Variants in SLC5A9 observed in about 807,000 individuals in gnomAD.
SLC5A9 encodes solute carrier family 5 member 9.
A neutral mutation model predicts 70.9 loss-of-function variants in SLC5A9; 59 were observed. That is an observed-to-expected ratio of 0.83 (90% confidence interval 0.68 to 1.03). The LOEUF is 1.03. Among genes scored for constraint, SLC5A9 ranks in the 50% least tolerant of loss-of-function variants. The probability of loss-of-function intolerance (pLI) is 0.00; values close to 1 mark genes in which losing one functional copy is unlikely to be tolerated. For synonymous variants in SLC5A9, 340 were observed against 346.5 expected (o/e 0.98, Z 0.21); for missense variants, 832 against 881.1 (o/e 0.94, Z 0.71).
intron 2 of SLC5A9, among the ~76,000 whole-genome samples, chr1:48,227,504 AGTGT>A (rs1208957520): frequency 3.8e-5 from 3 of 79,964 alleles, no homozygotes; most frequent in Non-Finnish European, 7.3e-5. Flanking sequence ...TGTGTGTCAG[AGTGT>A]GTGTAATTGC....
intron 4 of SLC5A9, among the ~76,000 whole-genome samples, chr1:48,230,398 A>C (rs1490445794): frequency 2.0e-5 from 3 of 152,180 alleles, no homozygotes; most frequent in Non-Finnish European, 4.4e-5. Context: ...TTTATACAGT[A>C]CTTCTCTGCT....
chr1:48,234,129 G>C (rs967258787), intron 9 of SLC5A9, among the ~76,000 whole-genome samples: 2 of 152,220 alleles, frequency 1.3e-5, no homozygotes, highest in African/African-American at 4.8e-5. Flanking sequence ...GTCTCCCAGA[G>C]GGAAGGAAAT....
In SLC5A9 at chr1:48,238,018, C is replaced by A. The variant is rs1297163843; in HGVS notation, c.1461+171C>A. On this transcript the variant is annotated intron_variant, in intron 11 of 13. Coordinates refer to ENST00000438567, the MANE Select transcript of SLC5A9 (RefSeq NM_001011547.3). The stretch of plus-strand genomic sequence containing the variant: ...CATTCACTCAACAAACATTTATCAG[C>A]CTTATAATGGCAGCTCCAGGGATGC... Among the ~76,000 whole-genome samples the A allele has an allele frequency of 2.0e-5, 3 of 152,178 alleles. No homozygotes were observed. The East Asian group carries it at 5.8e-4, about 29-fold the overall frequency.
In SLC5A9 at chr1:48,237,984, A is replaced by T. The variant is rs535042322; in HGVS notation, c.1461+137A>T. 141 of 854,172 alleles carry T rather than the reference A, an allele frequency of 1.7e-4. No homozygotes were observed. In the East Asian group the frequency reaches 3.5e-3, roughly 21 times the overall value. The allele number at this position is 854,172 out of a possible 1,614,324, so 52.9% of individuals were successfully genotyped here. ...TTTTCCTGACCACAGCATCCAGCCTAGATTCATTCATTCACTCAACAAACA... is the reference window on the plus strand; with the variant it reads ...TTTTCCTGACCACAGCATCCAGCCTTGATTCATTCATTCACTCAACAAACA... On this transcript the variant is annotated intron_variant, in intron 11 of 13. Coordinates refer to ENST00000438567, the MANE Select transcript of SLC5A9 (RefSeq NM_001011547.3).
At position 48,228,978 on chromosome 1, in the gene SLC5A9, C is replaced by G. The variant is rs550328576; in HGVS notation, c.339+24C>G. ...ACGTAAGGAAGCTGGCCTGGTTTCT[C>G]CAGAATACTGAGGGTCTAACCCACC... is the stretch of plus-strand genomic sequence containing the variant. On this transcript the variant is annotated intron_variant, in intron 3 of 13. Coordinates refer to ENST00000438567, the MANE Select transcript of SLC5A9 (RefSeq NM_001011547.3). The G allele has an allele frequency of 2.5e-6, 4 of 1,613,142 alleles. No individual in the cohort carries two copies. In the Admixed American group the frequency reaches 5.0e-5, roughly 20 times the overall value.
rs201842032 is a variant in SLC5A9 at position 48,239,368 on chromosome 1, G to A, written c.1508G>A (p.Arg503His). 3.2e-5 allele frequency: 51 copies of A among 1,614,084 alleles called. No individual in the cohort carries two copies. The highest frequency in any genetic ancestry group is 3.6e-5 in the Non-Finnish European group (43 of 1,179,966). Residue 503 changes from arginine (R) to histidine (H), a missense_variant, in exon 12 of 14, where the codon CGT (arginine) becomes CAT (histidine). By Grantham distance (29) the Arg-to-His change is conservative. Transcript: ENST00000438567. The surrounding 1 kb of genome is among the most constrained non-coding windows in gnomAD (Gnocchi z 4.2). ...LVFGLGVGLLRMILEFSYPAP... is the reference protein window; with the variant it reads ...LVFGLGVGLLHMILEFSYPAP... ...TTTGGCCTGGGAGTGGGGCTTCTGC[G>A]TATGATCCTGGAGTTCTCATACCCA...
At chr1:48,244,840 T>C (rs1644436839) in intron 13 of SLC5A9, among the ~76,000 whole-genome samples, 2 of 111,262 alleles carry the variant, frequency 1.8e-5, no homozygotes, top group African/African-American at 6.7e-5. Context: ...ATATAAATTA[T>C]ATATATAAAA....
At position 48,237,732 on chromosome 1, in the gene SLC5A9, A is replaced by G; in HGVS notation, c.1346A>G (p.Gln449Arg). 6.2e-7 allele frequency: 1 copy of G among 1,614,052 alleles called. No homozygotes were observed. Among genetic ancestry groups the G allele is most frequent in the Non-Finnish European group, 8.5e-7 (1 of 1,180,026 alleles). ...AGCATCCTCTGGATCCCCATCATCCAAAGCTCCAACAGTGGGCAGCTCTTC... is the reference window on the plus strand; with the variant it reads ...AGCATCCTCTGGATCCCCATCATCCGAAGCTCCAACAGTGGGCAGCTCTTC... ...VISILWIPII[Q>R]SSNSGQLFDY... The change falls in exon 11 of 14, where the codon CAA becomes CGA. Residue 449 changes from glutamine to arginine, a missense_variant. Coordinates refer to ENST00000438567, the MANE Select transcript of SLC5A9 (RefSeq NM_001011547.3).
At position 48,231,587 on chromosome 1, in the gene SLC5A9, T is replaced by C. The variant is rs1644248286; in HGVS notation, c.653T>C (p.Val218Ala). ...AVIYTDALQT[V>A]IMVGGALVLM... is the part of the protein sequence containing the mutation. ...ATCTACACAGATGCTCTGCAGACGGTGATCATGGTAGGGGGAGCCCTGGTC... is the reference window on the plus strand; with the variant it reads ...ATCTACACAGATGCTCTGCAGACGGCGATCATGGTAGGGGGAGCCCTGGTC... The change falls in exon 6 of 14, where the codon GTG becomes GCG. Residue 218 changes from valine to alanine, a missense_variant. Transcript: ENST00000438567. 4 of 1,614,034 alleles carry C rather than the reference T, an allele frequency of 2.5e-6. No homozygotes were observed. The highest frequency in any genetic ancestry group is 3.3e-5 in the Admixed American group (2 of 60,008).
intron 1 of SLC5A9, 54 bp from the exon 2 acceptor site, chr1:48,224,670 G>A: frequency 1.3e-6 from 2 of 1,575,138 alleles, no homozygotes; most frequent in South Asian, 2.2e-5. Flanking sequence ...GAGGGGGCAG[G>A]GCAGAGGTTC....
At chr1:48,230,762 A>G in intron 5 of SLC5A9, 57 bp downstream of exon 5, 1 of 1,326,814 alleles carries the variant, frequency 7.5e-7, no homozygotes, top group Non-Finnish European at 1.1e-6. Flanking sequence ...ACCCAGAGAG[A>G]AAGACTGAAG....
intron 6 of SLC5A9, 121 bp downstream of exon 6, chr1:48,231,746 C>A: frequency 6.6e-7 from 1 of 1,516,876 alleles, no homozygotes. Context: ...GCCATGTCCC[C>A]TCTCCAGGCT....
intron 13 of SLC5A9, among the ~76,000 whole-genome samples, chr1:48,246,480 A>AT (rs540881440): frequency 2.9e-4 from 44 of 152,170 alleles, no homozygotes; most frequent in Non-Finnish European, 5.4e-4. Flanking sequence ...CAGTGAAAGG[A>AT]TTTTTATATT....
intron 9 of SLC5A9, 31 bp from the exon 10 acceptor site, chr1:48,235,698 A>G: frequency 6.2e-7 from 1 of 1,613,204 alleles, no homozygotes; most frequent in Non-Finnish European, 8.5e-7. Flanking sequence ...TTAATGGGCC[A>G]GCCGTTCACA....
chr1:48,226,024 G>T (rs1211533696), intron 2 of SLC5A9, among the ~76,000 whole-genome samples: 2 of 152,120 alleles, frequency 1.3e-5, no homozygotes, highest in African/African-American at 4.8e-5. Flanking sequence ...TCTCTGGAAG[G>T]TTTAGGTATC....
Position 48,233,678 on chromosome 1 carries a change from G to A in SLC5A9, c.1057G>A (p.Asp353Asn). 1 of 1,614,034 alleles carries A rather than the reference G, an allele frequency of 6.2e-7. No individual in the cohort carries two copies. Among genetic ancestry groups the A allele is most frequent in the East Asian group, 2.2e-5 (1 of 44,836 alleles). Reference sequence around the variant, plus strand: ...AGACGAGGTGGGCTGCGTGGACCCTGATGTCTGCCAAAGAATCTGTGGGGC... The same window carrying A: ...AGACGAGGTGGGCTGCGTGGACCCTAATGTCTGCCAAAGAATCTGTGGGGC... Reference protein sequence around the residue: ...FPDEVGCVDPDVCQRICGARV... With the variant: ...FPDEVGCVDPNVCQRICGARV... The change falls in exon 9 of 14, where the codon GAT (aspartate) becomes AAT (asparagine). Residue 353 changes from aspartate to asparagine, a missense_variant. Transcript: ENST00000438567.
intron 10 of SLC5A9, among the ~76,000 whole-genome samples, chr1:48,236,891 G>A (rs1288218126): frequency 1.3e-5 from 2 of 152,218 alleles, no homozygotes; most frequent in Non-Finnish European, 2.9e-5. Context: ...TACTTGGGGG[G>A]CTGATGCTCT....
At position 48,245,018 on chromosome 1, in the gene SLC5A9, G is replaced by A. The variant is rs973540713; in HGVS notation, c.1838-2317G>A. On this transcript the variant is annotated intron_variant, in intron 13 of 13. Coordinates refer to ENST00000438567, the MANE Select transcript of SLC5A9 (RefSeq NM_001011547.3). ...AATGAAATGCTGAATTCATATTATC[G>A]TTAGTGCAGTTCTGTTGCTATGTGA... Among the ~76,000 whole-genome samples, 3 of 144,164 alleles carry A rather than the reference G, an allele frequency of 2.1e-5. No individual in the cohort carries two copies. The Admixed American group carries it at 2.1e-4, about 10-fold the overall frequency. 94.6% of individuals were successfully genotyped at this position (144,164 alleles called of 152,430 possible). A position where few individuals can be genotyped will look rare whatever the true frequency, so the allele number is the denominator to read the frequency against.
At chr1:48,237,928 T>G in intron 11 of SLC5A9, 81 bp downstream of exon 11, 1 of 1,448,894 alleles carries the variant, frequency 6.9e-7, no homozygotes. Flanking sequence ...TCTGTGACCT[T>G]GAGAAAATCC....
Sources: gnomAD v4.1 joint callset for allele counts (sites outside exome capture counted in the v4.1 genomes callset) on GRCh38, gnomAD v4.1.1 for gene constraint, Gnocchi (gnomAD v3.1) non-coding constraint, MANE v1.5 for transcripts, NCBI Gene and HGNC (gene_info 2026-07-23, HGNC 2026-07-21) for gene names.